The following PPP1R12A variants were observed in gnomAD, a reference collection of about 807,000 sequenced individuals.
PPP1R12A encodes myosin binding subunit.
In PPP1R12A, 19 loss-of-function variants were observed where a neutral mutation model predicts 139.6. The ratio of observed to expected loss-of-function variants is 0.14; its 90% CI spans 0.09 to 0.20. PPP1R12A has a LOEUF of 0.20. Among genes scored for constraint, PPP1R12A ranks in the 10% least tolerant of loss-of-function variants. The probability of loss-of-function intolerance (pLI) is 1.00; values close to 1 mark genes in which losing one functional copy is unlikely to be tolerated. For missense variants in PPP1R12A, 925 were observed against 1,211.5 expected (o/e 0.76, Z 3.51); for synonymous variants, 427 against 420.6 (o/e 1.02, Z -0.19).
chr12:79,893,220 C>G (rs1054135349), intron 1 of PPP1R12A, among the ~76,000 whole-genome samples: 3 of 152,078 alleles, frequency 2.0e-5, no homozygotes, highest in African/African-American at 2.4e-5. Flanking sequence ...ACAGATTTCT[C>G]CTCAATTTAG....
At chr12:79,837,108 G>GA (rs1317445226) in intron 3 of PPP1R12A, among the ~76,000 whole-genome samples, 15 of 151,874 alleles carry the variant, frequency 9.9e-5, no homozygotes, top group Admixed American at 1.3e-4. Context: ...TGTTTTAAAA[G>GA]AAAAAAATCT....
At chr12:79,920,906 CA>C (rs2136944481) in intron 1 of PPP1R12A, among the ~76,000 whole-genome samples, 1 of 152,264 alleles carries the variant, frequency 6.6e-6, no homozygotes, top group East Asian at 1.9e-4. Flanking sequence ...CCGTTATAAG[CA>C]AAAGAAAACA....
chr12:79,821,645 C>CTGT (rs1592668391), intron 6 of PPP1R12A, among the ~76,000 whole-genome samples: 1 of 151,484 alleles, frequency 6.6e-6, no homozygotes, highest in East Asian at 1.9e-4. Context: ...CCGAGCTACT[C>CTGT]AGGAGGCTGA....
intron 1 of PPP1R12A, among the ~76,000 whole-genome samples, chr12:79,907,890 C>G (rs1404716172): frequency 6.6e-6 from 1 of 152,128 alleles, no homozygotes; most frequent in Non-Finnish European, 1.5e-5. Flanking sequence ...AAAGCAAGAC[C>G]TAGCCTCTAT....
At position 79,826,648 on chromosome 12, in the gene PPP1R12A, CCTT is replaced by C. The variant is rs1876814159; in HGVS notation, c.792+1669_792+1671del. Among the ~76,000 whole-genome samples, 4 of 152,178 alleles carry C rather than the reference CCTT, an allele frequency of 2.6e-5. No homozygotes were observed. The South Asian group carries it at 6.2e-4, about 24-fold the overall frequency. On this transcript the variant is annotated intron_variant, in intron 5 of 24. Transcript: ENST00000450142. ...AAGGCAAAATAATTTTACATGCACT[CCTT>C]CTCTGATAGCAAAATTATGATAAAT...
intron 1 of PPP1R12A, among the ~76,000 whole-genome samples, chr12:79,911,864 G>T (rs1043337412): frequency 1.7e-4 from 26 of 151,906 alleles, no homozygotes; most frequent in Non-Finnish European, 1.2e-4. Context: ...GCCAGCAGCC[G>T]TCTCTTAAAA....
chr12:79,867,859 C>T (rs1229230644), intron 2 of PPP1R12A, among the ~76,000 whole-genome samples: 1 of 152,104 alleles, frequency 6.6e-6, no homozygotes, highest in East Asian at 1.9e-4. Flanking sequence ...GGCACTTCTT[C>T]CTGCCGCCAT....
At chr12:79,784,645 T>G (rs180784101) in intron 22 of PPP1R12A, among the ~76,000 whole-genome samples, 1 of 152,216 alleles carries the variant, frequency 6.6e-6, no homozygotes, top group Admixed American at 6.5e-5. Context: ...ATTTATTTAT[T>G]TATTTATTTG....
chr12:79,896,468 C>T (rs535198234), intron 1 of PPP1R12A, among the ~76,000 whole-genome samples: 1 of 151,946 alleles, frequency 6.6e-6, no homozygotes, highest in Admixed American at 6.6e-5. Context: ...CAAGCAGCTG[C>T]GACCACAGAC....
chr12:79,812,261 T>A (rs776019995), intron 9 of PPP1R12A, among the ~76,000 whole-genome samples: 1 of 152,174 alleles, frequency 6.6e-6, no homozygotes, highest in Non-Finnish European at 1.5e-5. Flanking sequence ...AAATAAACCC[T>A]TCCTGAAATA....
chr12:79,912,689 AT>A (rs746777377), intron 1 of PPP1R12A, among the ~76,000 whole-genome samples: 1 of 150,262 alleles, frequency 6.7e-6, no homozygotes, highest in Non-Finnish European at 1.5e-5. Flanking sequence ...GGAAAGCCTG[AT>A]TTAAAAAAAA....
chr12:79,927,646 G>C (rs542704876), intron 1 of PPP1R12A, among the ~76,000 whole-genome samples: 98 of 152,170 alleles, frequency 6.4e-4, no homozygotes, highest in African/African-American at 1.9e-3. Context: ...TTTGAGTTTC[G>C]GCATCAAACA....
Position 79,775,538 on chromosome 12 carries a change from G to C in PPP1R12A, c.*391C>G, listed in dbSNP as rs1402611452. 1 of 153,866 alleles carries C rather than the reference G, an allele frequency of 6.5e-6. No homozygotes were observed. Among genetic ancestry groups the C allele is most frequent in the Non-Finnish European group, 1.4e-5 (1 of 68,992 alleles). The allele number at this position is 153,866 out of a possible 1,614,324, so 9.5% of individuals were successfully genotyped here. On this transcript the variant is annotated 3_prime_UTR_variant, in exon 25 of 25. Transcript: ENST00000450142. ...TGTTGAGTAACTGTCTTCTGTGAGA[G>C]CTGAAAGTTTTTGTTGACACAAAAG... is the stretch of plus-strand genomic sequence containing the variant.
Position 79,775,892 on chromosome 12 carries a change from A to G in PPP1R12A, c.*37T>C, listed in dbSNP as rs1324196455. The stretch of plus-strand genomic sequence containing the variant: ...CCAATTATGGTCCACTGGGTTACTA[A>G]TATGTGCAATTCCATTACTTGCTGC... On this transcript the variant is annotated 3_prime_UTR_variant, in exon 25 of 25. Coordinates refer to ENST00000450142, the MANE Select transcript of PPP1R12A (RefSeq NM_002480.3). 4 of 1,425,356 alleles carry G rather than the reference A, an allele frequency of 2.8e-6. No homozygotes were observed. The highest frequency in any genetic ancestry group is 1.9e-6 in the Non-Finnish European group (2 of 1,047,080). The allele number at this position is 1,425,356 out of a possible 1,614,324, so 88.3% of individuals were successfully genotyped here. A position where few individuals can be genotyped will look rare whatever the true frequency, so the allele number is the denominator to read the frequency against.
chr12:79,797,890 A>G (rs1317601732), intron 15 of PPP1R12A, among the ~76,000 whole-genome samples: 1 of 152,158 alleles, frequency 6.6e-6, no homozygotes, highest in Non-Finnish European at 1.5e-5. Context: ...AAAGCTAAGT[A>G]ATGGTAAGGA....
chr12:79,834,992 G>A (rs999715385), intron 3 of PPP1R12A, among the ~76,000 whole-genome samples: 8 of 152,166 alleles, frequency 5.3e-5, no homozygotes, highest in African/African-American at 1.9e-4. Flanking sequence ...TGCAGTTGAG[G>A]GTGTTTCCAG....
intron 3 of PPP1R12A, among the ~76,000 whole-genome samples, chr12:79,839,203 T>C (rs547301126): frequency 3.9e-5 from 6 of 152,362 alleles, no homozygotes; most frequent in Admixed American, 1.3e-4. Context: ...ATGGGGCTTA[T>C]AGCCTCTTTG....
chr12:79,840,770 C>T (rs941258053), intron 3 of PPP1R12A, among the ~76,000 whole-genome samples: 16 of 152,240 alleles, frequency 1.1e-4, no homozygotes, highest in South Asian at 6.2e-4. Flanking sequence ...TCAAGGAATG[C>T]GTGTCACCAT....
chr12:79,785,812 G>C (rs1871055034), intron 22 of PPP1R12A, among the ~76,000 whole-genome samples: 1 of 152,014 alleles, frequency 6.6e-6, no homozygotes, highest in South Asian at 2.1e-4. Flanking sequence ...CAGAACTAAT[G>C]TTCCATGGAA....
Sources: gnomAD v4.1 joint callset for allele counts (sites outside exome capture counted in the v4.1 genomes callset) on GRCh38, gnomAD v4.1.1 for gene constraint, MANE v1.5 for transcripts, NCBI Gene and HGNC (gene_info 2026-07-23, HGNC 2026-07-21) for gene names.